The following TMEM248 variants were observed in gnomAD, a reference collection of about 807,000 sequenced individuals.
TMEM248 encodes the protein UPF0458 protein C7orf42.
Under a neutral mutation model 30.3 loss-of-function variants are expected in TMEM248, and 9 were observed. The observed-to-expected ratio is 0.30, with a 90% CI of 0.18 to 0.52. The LOEUF (loss-of-function observed/expected upper bound fraction) is 0.52. Among genes scored for constraint, TMEM248 ranks in the 20% least tolerant of loss-of-function variants. TMEM248 has a pLI of 0.97. For synonymous variants in TMEM248, 184 were observed against 154.4 expected, an observed-to-expected ratio of 1.19 and a Z score of -1.42; for missense variants, 338 against 403.3, an observed-to-expected ratio of 0.84 and a Z score of 1.39.
At chr7:66,954,785 T>C (rs80252139) in intron 6 of TMEM248, among the ~76,000 whole-genome samples, 2,209 of 152,234 alleles carry the variant, frequency 0.015, 59 homozygotes, top group East Asian at 0.091. Context: ...TCATTAGAAG[T>C]GTCTTTACTC....
chr7:66,947,379 G>T (rs1418958821), intron 3 of TMEM248, among the ~76,000 whole-genome samples: 1 of 152,092 alleles, frequency 6.6e-6, no homozygotes, highest in East Asian at 1.9e-4. Context: ...GTTGCTTATG[G>T]CATGGCATAA....
At chr7:66,933,570 G>T (rs1791722500) in intron 1 of TMEM248, among the ~76,000 whole-genome samples, 1 of 152,192 alleles carries the variant, frequency 6.6e-6, no homozygotes, top group South Asian at 2.1e-4. Context: ...AGCCAAGTTG[G>T]TTTCCAGAAA....
At chr7:66,948,517 T>C (rs758361865) in intron 3 of TMEM248, 27 bp from the exon 4 acceptor site, 25 of 1,604,940 alleles carry the variant, frequency 1.6e-5, no homozygotes, top group African/African-American at 4.0e-5. Flanking sequence ...TTCTTGACTT[T>C]ATAAAAAAAT....
intron 1 of TMEM248, among the ~76,000 whole-genome samples, chr7:66,933,358 A>G (rs2129222022): frequency 6.6e-6 from 1 of 152,222 alleles, no homozygotes; most frequent in East Asian, 1.9e-4. Context: ...TAGGTACAAT[A>G]CTGGGGAGAA....
At chr7:66,940,499 G>C (rs770357886) in intron 1 of TMEM248, among the ~76,000 whole-genome samples, 1 of 152,240 alleles carries the variant, frequency 6.6e-6, no homozygotes, top group Non-Finnish European at 1.5e-5. Flanking sequence ...TTTGTTAAGA[G>C]AGCAGCACTC....
At chr7:66,926,918 GTGT>G (rs1451617721) in intron 1 of TMEM248, among the ~76,000 whole-genome samples, 2 of 152,068 alleles carry the variant, frequency 1.3e-5, no homozygotes, top group Non-Finnish European at 2.9e-5. Flanking sequence ...TTGGACTTTT[GTGT>G]TGTTTGGTTA....
intron 1 of TMEM248, among the ~76,000 whole-genome samples, chr7:66,931,268 A>T (rs999320107): frequency 6.8e-6 from 1 of 147,936 alleles, no homozygotes; most frequent in African/African-American, 2.5e-5. Context: ...GCTGCATGCC[A>T]GCCTGGGTGA....
intron 1 of TMEM248, among the ~76,000 whole-genome samples, chr7:66,924,732 A>G (rs1445766091): frequency 6.7e-6 from 1 of 149,238 alleles, no homozygotes; most frequent in Non-Finnish European, 1.5e-5. Flanking sequence ...TTTATTTGAG[A>G]TGGAGTCTCA....
Position 66,942,020 on chromosome 7 carries a change from C to T in TMEM248, c.155C>T (p.Ala52Val), listed in dbSNP as rs1791975537. Reference protein sequence around the residue: ...KIKEIKSPEMAEDWNTFLLRF... With the variant: ...KIKEIKSPEMVEDWNTFLLRF... ...AAGGAGATTAAATCCCCAGAAATGG[C>T]AGAGGTATAGTATGCTCTGACTTCT... The change falls in exon 2 of 7, where the codon GCA becomes GTA. Residue 52 changes from alanine to valine, a missense_variant. By Grantham distance (64) the Ala-to-Val change is moderately conservative. Transcript: ENST00000341567. 6.2e-7 allele frequency: 1 copy of T among 1,613,960 alleles called. No individual in the cohort carries two copies. The highest frequency in any genetic ancestry group is 2.2e-5 in the East Asian group (1 of 44,890).
At chr7:66,949,819 G>GT (rs1208141007) in intron 4 of TMEM248, among the ~76,000 whole-genome samples, 18 of 151,290 alleles carry the variant, frequency 1.2e-4, no homozygotes, top group Non-Finnish European at 5.9e-5. Flanking sequence ...TTTGTTGTTG[G>GT]TTTTTTTTGG....
At chr7:66,939,893 A>G (rs570138782) in intron 1 of TMEM248, among the ~76,000 whole-genome samples, 59 of 152,340 alleles carry the variant, frequency 3.9e-4, no homozygotes, top group African/African-American at 1.3e-3. Flanking sequence ...AAGGAAATAA[A>G]GCAGGGGCTG....
intron 1 of TMEM248, among the ~76,000 whole-genome samples, chr7:66,938,004 G>A (rs760589090): frequency 1.3e-5 from 2 of 152,190 alleles, no homozygotes; most frequent in Non-Finnish European, 2.9e-5. Context: ...GAGATTACAG[G>A]TGTGAGCCAC....
In TMEM248 at chr7:66,945,173, C is replaced by T. The variant is rs138164598; in HGVS notation, c.357C>T (p.Thr119=). The T allele has an allele frequency of 7.1e-5, 114 of 1,614,216 alleles. No individual in the cohort carries two copies. In the African/African-American group the frequency reaches 1.2e-3, roughly 17 times the overall value. ...ATATCTCAGTCTCAATCACCCTAACCCTGGACCCACTGAAACCCTTCGGAG... is the reference window on the plus strand; with the variant it reads ...ATATCTCAGTCTCAATCACCCTAACTCTGGACCCACTGAAACCCTTCGGAG... ...PVNISVSITL[T]LDPLKPFGGY... is the part of the protein sequence containing the mutation. The change falls in exon 3 of 7, where the codon ACC becomes ACT. Residue 119 remains threonine (T), a synonymous_variant. Coordinates refer to ENST00000341567, the MANE Select transcript of TMEM248 (RefSeq NM_017994.5).
chr7:66,937,804 A>G (rs1294073216), intron 1 of TMEM248, among the ~76,000 whole-genome samples: 2 of 152,062 alleles, frequency 1.3e-5, no homozygotes, highest in African/African-American at 4.8e-5. Context: ...TCTGCCTCCC[A>G]GGTTCAAGTG....
chr7:66,926,245 C>T (rs1243103548), intron 1 of TMEM248, among the ~76,000 whole-genome samples: 1 of 152,156 alleles, frequency 6.6e-6, no homozygotes, highest in Non-Finnish European at 1.5e-5. Context: ...TACTTGCAAA[C>T]CATACGTCTG....
rs1792294453 is a variant in TMEM248 at position 66,952,566 on chromosome 7, G to A, written c.781-660G>A. ...CCCGCTATGTTATAAATGACCTGGG[G>A]GAGCCCAGAGCTGTCCTGAGGCCTG... On this transcript the variant is annotated intron_variant, in intron 5 of 6. Transcript: ENST00000341567. Among the ~76,000 whole-genome samples, 5 of 152,310 alleles carry A rather than the reference G, an allele frequency of 3.3e-5. No individual in the cohort carries two copies. The South Asian group carries it at 1.0e-3, about 32-fold the overall frequency.
intron 1 of TMEM248, 84 bp from the exon 2 acceptor site, chr7:66,941,764 C>T: frequency 2.3e-6 from 3 of 1,303,858 alleles, no homozygotes; most frequent in African/African-American, 1.5e-5. Context: ...CAGCTCACCC[C>T]CCAACACCTC....
intron 1 of TMEM248, among the ~76,000 whole-genome samples, chr7:66,927,193 C>A (rs12539366): frequency 0.037 from 5,588 of 151,696 alleles, 163 homozygotes; most frequent in East Asian, 0.088. Flanking sequence ...TTTTAAGAAG[C>A]GGGGGGGTTG....
intron 1 of TMEM248, among the ~76,000 whole-genome samples, chr7:66,932,424 G>T (rs922517705): frequency 6.6e-6 from 1 of 152,054 alleles, no homozygotes; most frequent in Admixed American, 6.5e-5. Context: ...TACGTAAAGC[G>T]CCTTCTGTTG....
Sources: gnomAD v4.1 joint callset for allele counts (sites outside exome capture counted in the v4.1 genomes callset) on GRCh38, gnomAD v4.1.1 for gene constraint, MANE v1.5 for transcripts, NCBI Gene and HGNC (gene_info 2026-07-23, HGNC 2026-07-21) for gene names.